The following FSHR variants were observed in gnomAD, a reference collection of about 807,000 sequenced individuals.
FSHR encodes follicle-stimulating hormone receptor.
In FSHR, 46 loss-of-function variants were observed where a neutral mutation model predicts 52.1. The ratio of observed to expected loss-of-function variants is 0.88; its 90% confidence interval spans 0.70 to 1.13. The LOEUF is 1.13. Ranked by LOEUF, FSHR falls within the 50% of genes most tolerant of loss-of-function variation. The pLI is 0.00. For synonymous variants in FSHR, 399 were observed against 309.6 expected (o/e 1.29, Z -3.03); for missense variants, 964 against 834.6 (o/e 1.16, Z -1.91).
At chr2:49,111,112 G>C (rs561965326) in intron 1 of FSHR, among the ~76,000 whole-genome samples, 2 of 152,292 alleles carry the variant, frequency 1.3e-5, no homozygotes, top group Admixed American at 6.5e-5. Context: ...GATTAGTTCA[G>C]TTGTCACTAT....
At chr2:48,992,606 G>T (rs1675836015) in intron 4 of FSHR, among the ~76,000 whole-genome samples, 1 of 152,074 alleles carries the variant, frequency 6.6e-6, no homozygotes, top group African/African-American at 2.4e-5. Flanking sequence ...TCTCATGAAG[G>T]TGTTTTTTTC....
intron 4 of FSHR, among the ~76,000 whole-genome samples, chr2:49,012,462 T>A (rs550040822): frequency 6.6e-6 from 1 of 152,140 alleles, no homozygotes; most frequent in African/African-American, 2.4e-5. Context: ...AAGGCATTGA[T>A]GAAGAGCACT....
At chr2:49,044,032 G>A (rs1229118029) in intron 2 of FSHR, among the ~76,000 whole-genome samples, 1 of 152,094 alleles carries the variant, frequency 6.6e-6, no homozygotes, top group Non-Finnish European at 1.5e-5. Context: ...TTATATTCTG[G>A]TTTATACTCT....
intron 2 of FSHR, among the ~76,000 whole-genome samples, 175 bp downstream of exon 2, chr2:49,068,044 C>T (rs1289350294): frequency 6.6e-6 from 1 of 150,860 alleles, no homozygotes; most frequent in Non-Finnish European, 1.5e-5. Flanking sequence ...CAGTGAAAGA[C>T]TCCACACTAT....
chr2:49,048,282 T>C (rs1219811313), intron 2 of FSHR, among the ~76,000 whole-genome samples: 2 of 151,128 alleles, frequency 1.3e-5, no homozygotes, highest in Non-Finnish European at 2.9e-5. Flanking sequence ...GTAAAATAAA[T>C]AAAAAGTGGT....
At chr2:49,046,730 T>G (rs1218192222) in intron 2 of FSHR, among the ~76,000 whole-genome samples, 1 of 152,210 alleles carries the variant, frequency 6.6e-6, no homozygotes, top group Non-Finnish European at 1.5e-5. Context: ...GCACACATTT[T>G]GTAGCTCAAG....
chr2:48,993,833 C>T (rs1473926864), intron 4 of FSHR, among the ~76,000 whole-genome samples: 1 of 152,268 alleles, frequency 6.6e-6, no homozygotes, highest in East Asian at 1.9e-4. Context: ...CATTCTTCAC[C>T]TGGCGAACTT....
intron 8 of FSHR, among the ~76,000 whole-genome samples, chr2:48,979,542 C>T (rs537789286): frequency 3.3e-5 from 5 of 152,174 alleles, no homozygotes; most frequent in Admixed American, 6.5e-5. Flanking sequence ...CTGGGAATTG[C>T]CCTCAGCTGA....
intron 1 of FSHR, among the ~76,000 whole-genome samples, chr2:49,093,740 G>A (rs555096020): frequency 5.9e-5 from 9 of 151,774 alleles, no homozygotes; most frequent in East Asian, 1.9e-4. Flanking sequence ...GATTACAGGC[G>A]TGCACCACCA....
intron 1 of FSHR, among the ~76,000 whole-genome samples, chr2:49,099,428 C>T (rs1031256155): frequency 1.3e-5 from 2 of 152,110 alleles, no homozygotes; most frequent in African/African-American, 4.8e-5. Flanking sequence ...GTCCATTAAA[C>T]CTCTTTTTCT....
At chr2:49,021,904 G>T (rs1281489251) in intron 2 of FSHR, among the ~76,000 whole-genome samples, 2 of 124,152 alleles carry the variant, frequency 1.6e-5, no homozygotes, top group African/African-American at 6.2e-5. Context: ...GAGAGAGAGA[G>T]AGAGAGAGAG....
At chr2:48,991,927 T>G (rs1011748622) in intron 4 of FSHR, among the ~76,000 whole-genome samples, 11 of 152,068 alleles carry the variant, frequency 7.2e-5, no homozygotes, top group Non-Finnish European at 1.6e-4. Flanking sequence ...TTGAGGTTTA[T>G]GACTCAAGAA....
At position 49,124,359 on chromosome 2, in the gene FSHR, T is replaced by C. The variant is rs575767523; in HGVS notation, c.152+29907A>G. Among the ~76,000 whole-genome samples the C allele has an allele frequency of 4.6e-5, 7 of 152,136 alleles. No individual in the cohort carries two copies. The East Asian group carries it at 1.4e-3, about 29-fold the overall frequency. ...AGGGCAAGGGATGGGCAAAAGTTTA[T>C]CCTAGGTGGTATCAGAAAACAAAAA... On this transcript the variant is annotated intron_variant, in intron 1 of 9. Transcript: ENST00000406846.
chr2:49,012,666 A>G (rs1014467190), intron 4 of FSHR, among the ~76,000 whole-genome samples: 1 of 152,170 alleles, frequency 6.6e-6, no homozygotes, highest in East Asian at 1.9e-4. Flanking sequence ...TCCTGGCTTA[A>G]GAAAAAAACA....
At chr2:49,059,066 A>G (rs993357443) in intron 2 of FSHR, among the ~76,000 whole-genome samples, 1 of 152,146 alleles carries the variant, frequency 6.6e-6, no homozygotes, top group African/African-American at 2.4e-5. Context: ...ATAGCTGAGT[A>G]TGGTGGCACA....
intron 4 of FSHR, among the ~76,000 whole-genome samples, chr2:49,001,810 G>A (rs763552157): frequency 1.3e-5 from 2 of 152,140 alleles, no homozygotes; most frequent in East Asian, 3.9e-4. Context: ...GTGTTGGAAT[G>A]CAGGATGAAC....
At chr2:49,029,876 T>C (rs1018439217) in intron 2 of FSHR, among the ~76,000 whole-genome samples, 62 of 152,182 alleles carry the variant, frequency 4.1e-4, no homozygotes, top group Non-Finnish European at 2.2e-4. Flanking sequence ...GCCCTGGAAT[T>C]CTGTGATTTT....
chr2:49,054,939 GA>G (rs1669004171), intron 2 of FSHR, among the ~76,000 whole-genome samples: 1 of 152,016 alleles, frequency 6.6e-6, no homozygotes, highest in Non-Finnish European at 1.5e-5. Context: ...TGTTTGACCA[GA>G]TGCATAAAAA....
chr2:49,086,430 T>A (rs1005929821), intron 1 of FSHR, among the ~76,000 whole-genome samples: 11 of 151,970 alleles, frequency 7.2e-5, no homozygotes, highest in African/African-American at 2.2e-4. Context: ...TGAGTCAGAG[T>A]CCTTGCTGAT....
Sources: gnomAD v4.1 joint callset for allele counts (sites outside exome capture counted in the v4.1 genomes callset) on GRCh38, gnomAD v4.1.1 for gene constraint, MANE v1.5 for transcripts, NCBI Gene and HGNC (gene_info 2026-07-23, HGNC 2026-07-21) for gene names.